Variants in PDIA4 observed in about 807,000 individuals in gnomAD.
PDIA4 encodes the protein protein disulfide isomerase family A member 4.
In PDIA4, 33 loss-of-function variants were observed where a neutral mutation model predicts 62.1. That is an observed-to-expected ratio of 0.53 (90% CI 0.40 to 0.71). The LOEUF (loss-of-function observed/expected upper bound fraction) is 0.71. Ranked by LOEUF, PDIA4 falls within the 30% of genes least tolerant of loss-of-function variation. The pLI is 0.00. For synonymous variants in PDIA4, 341 were observed against 324.1 expected (o/e 1.05, Z -0.56); for missense variants, 804 against 813.6 (o/e 0.99, Z 0.14).
At chr7:149,011,783 C>G in intron 6 of PDIA4, 63 bp downstream of exon 6, 1 of 1,382,654 alleles carries the variant, frequency 7.2e-7, no homozygotes, top group Non-Finnish European at 9.8e-7. Flanking sequence ...TTCTGAAAAA[C>G]CAGGCAACCG....
intron 1 of PDIA4, among the ~76,000 whole-genome samples, chr7:149,022,906 C>T (rs924227185): frequency 7.2e-5 from 11 of 152,240 alleles, no homozygotes; most frequent in East Asian, 1.9e-4. Flanking sequence ...ACTAGTCACC[C>T]GCACTCAGTC....
In PDIA4 at chr7:149,003,721, C is replaced by A; in HGVS notation, c.*73G>T. The A allele has an allele frequency of 8.3e-7, 1 of 1,208,808 alleles. No homozygotes were observed. Among genetic ancestry groups the A allele is most frequent in the Non-Finnish European group, 1.1e-6 (1 of 895,214 alleles). 74.9% of individuals were successfully genotyped at this position (1,208,808 alleles called of 1,614,324 possible). A position where few individuals can be genotyped will look rare whatever the true frequency, so the allele number is the denominator to read the frequency against. ...CGAGATACTGTCGTTTGTTGCCGGC[C>A]TCGGCGTGGACGCCCCGACCATGGG... On this transcript the variant is annotated 3_prime_UTR_variant, in exon 10 of 10. Coordinates refer to ENST00000652332, the MANE Select transcript of PDIA4 (RefSeq NM_004911.5).
chr7:149,005,048 G>T, intron 9 of PDIA4, 93 bp downstream of exon 9: 1 of 936,318 alleles, frequency 1.1e-6, no homozygotes, highest in African/African-American at 1.6e-5. Context: ...TGTCGTGCCC[G>T]TGGCCAGAGC....
rs200271711 is a variant in PDIA4, at chr7:149,019,044, C to G, written c.423G>C (p.Lys141Asn). The G allele has an allele frequency of 6.2e-7, 1 of 1,613,802 alleles. No individual in the cohort carries two copies. Among genetic ancestry groups the G allele is most frequent in the Non-Finnish European group, 8.5e-7 (1 of 1,179,978 alleles). Residue 141 changes from lysine (K) to asparagine (N), a missense_variant, in exon 3 of 10, where the codon AAG (lysine) becomes AAC (asparagine). By Grantham distance (94) the Lys-to-Asn change is moderately conservative. Transcript: ENST00000652332. ...CTACAGCCTGCCCCTTCTTAAGGAT[C>G]TTGATGGTGGGGTAGCCACTCACAT... is the stretch of plus-strand genomic sequence containing the variant. ...RFDVSGYPTI[K>N]ILKKGQAVDY...
chr7:149,008,104 G>A, intron 7 of PDIA4, 55 bp downstream of exon 7: 1 of 1,543,772 alleles, frequency 6.5e-7, no homozygotes, highest in Non-Finnish European at 8.8e-7. Context: ...GCTCAAAGCA[G>A]AGTCCTCATG....
chr7:149,005,108 G>A (rs372582978), intron 9 of PDIA4, 33 bp downstream of exon 9: 10 of 1,536,494 alleles, frequency 6.5e-6, no homozygotes, highest in Non-Finnish European at 9.0e-6. Flanking sequence ...CACAGCAGCT[G>A]ATGGGAGACC....
At chr7:149,026,714 C>T (rs1461840603) in intron 1 of PDIA4, among the ~76,000 whole-genome samples, 2 of 151,422 alleles carry the variant, frequency 1.3e-5, no homozygotes, top group Non-Finnish European at 2.9e-5. Context: ...CAGGAGGATC[C>T]CATGAGCCCA....
intron 1 of PDIA4, among the ~76,000 whole-genome samples, chr7:149,024,814 T>TAAAAAAA (rs539798193): frequency 3.4e-5 from 3 of 89,386 alleles, no homozygotes; most frequent in African/African-American, 1.6e-4. Context: ...GACTGTCATT[T>TAAAAAAA]AAAAAAAAAA....
At position 149,021,164 on chromosome 7, in the gene PDIA4, C is replaced by G. The variant is rs1403304919; in HGVS notation, c.89-17G>C. ...TAGAAGAATCTGAGTGGAAAACACC[C>G]AGACTGGTTACAAAGCTGGTGGTGA... On this transcript the variant is annotated splice_polypyrimidine_tract_variant and intron_variant, in intron 1 of 9. Transcript: ENST00000652332. 4 of 1,560,722 alleles carry G rather than the reference C, an allele frequency of 2.6e-6. No homozygotes were observed. Among genetic ancestry groups the G allele is most frequent in the Non-Finnish European group, 3.5e-6 (4 of 1,153,236 alleles).
At chr7:149,005,014 G>T in intron 9 of PDIA4, 127 bp downstream of exon 9, 1 of 732,974 alleles carries the variant, frequency 1.4e-6, no homozygotes, top group Non-Finnish European at 2.4e-6. Context: ...GGGTGAGAGA[G>T]GACTGCTGGC....
In PDIA4 at chr7:149,024,814, TAA is replaced by T. The variant is rs539798193; in HGVS notation, c.88+3505_88+3506del. 8.0e-3 allele frequency among the ~76,000 whole-genome samples: 711 copies of T among 89,272 alleles called. 9 individuals are homozygous for T. The highest frequency in any genetic ancestry group is 0.035 in the African/African-American group (660 of 18,986). 58.6% of individuals were successfully genotyped at this position (89,272 alleles called of 152,430 possible). A position where few individuals can be genotyped will look rare whatever the true frequency, so the allele number is the denominator to read the frequency against. The stretch of plus-strand genomic sequence containing the variant: ...CTGGCGACCGAGCAAGACTGTCATT[TAA>T]AAAAAAAAAAAAAAAAAAAAAAAAA... On this transcript the variant is annotated intron_variant, in intron 1 of 9. Transcript: ENST00000652332.
Position 149,024,325 on chromosome 7 carries a change from G to C in PDIA4, c.89-3178C>G, listed in dbSNP as rs142240062. The stretch of plus-strand genomic sequence containing the variant: ...CCCTATGTAATTAAGGACTCTCAAG[G>C]CCCCTACCTTTCCATTTCCTCCCCA... On this transcript the variant is annotated intron_variant, in intron 1 of 9. Transcript: ENST00000652332. 9.2e-3 allele frequency among the ~76,000 whole-genome samples: 250 copies of C among 27,198 alleles called. 1 individual carries two copies. The highest frequency in any genetic ancestry group is 0.019 in the African/African-American group (239 of 12,656). The allele number at this position is 27,198 out of a possible 152,430, so 17.8% of individuals were successfully genotyped here. A position where few individuals can be genotyped will look rare whatever the true frequency, so the allele number is the denominator to read the frequency against.
At chr7:149,006,259 G>A in intron 7 of PDIA4, 1 of 516,124 alleles carries the variant, frequency 1.9e-6, no homozygotes, top group Non-Finnish European at 3.3e-6. Flanking sequence ...GTGAACCGTA[G>A]GTGGCTTCTT....
rs775815746 is a variant in PDIA4 at position 149,004,238 on chromosome 7, C to T, written c.1523-29G>A. ...CCAAGGAAAGCAAGGCGGGAGGGGG[C>T]GTCAGTGCTGCAAAGGCCAAAGATT... On this transcript the variant is annotated intron_variant, in intron 9 of 9. Transcript: ENST00000652332. 8.2e-6 allele frequency: 13 copies of T among 1,592,182 alleles called. No homozygotes were observed. The African/African-American group carries it at 9.4e-5, about 11-fold the overall frequency.
chr7:149,003,663 G>C lies in PDIA4; in HGVS notation c.*131C>G, dbSNP rs1823622385. ...TCAGAGCATGAAGTGAAACACCAAAGTATAAAAAATTAAAAAAAAAAAAAA... is the reference window on the plus strand; with the variant it reads ...TCAGAGCATGAAGTGAAACACCAAACTATAAAAAATTAAAAAAAAAAAAAA... On this transcript the variant is annotated 3_prime_UTR_variant, in exon 10 of 10. Transcript: ENST00000652332. 9.9e-6 allele frequency: 6 copies of C among 604,554 alleles called. No individual in the cohort carries two copies. The highest frequency in any genetic ancestry group is 7.4e-5 in the Admixed American group (2 of 26,932). 37.4% of individuals were successfully genotyped at this position (604,554 alleles called of 1,614,324 possible).
chr7:149,017,699 AAAATT>A (rs1337459182), intron 3 of PDIA4, among the ~76,000 whole-genome samples: 2 of 150,232 alleles, frequency 1.3e-5, no homozygotes, highest in Admixed American at 6.6e-5. Flanking sequence ...TTATCAAAAT[AAAATT>A]AAATACATTT....
chr7:149,017,763 T>A (rs1824194567), intron 3 of PDIA4, among the ~76,000 whole-genome samples: 1 of 152,210 alleles, frequency 6.6e-6, no homozygotes, highest in South Asian at 2.1e-4. Flanking sequence ...TGTTCATTCA[T>A]TTAATAAAAT....
At chr7:149,015,691 C>A (rs1050650052) in intron 3 of PDIA4, among the ~76,000 whole-genome samples, 1 of 152,150 alleles carries the variant, frequency 6.6e-6, no homozygotes, top group Admixed American at 6.5e-5. Context: ...CGAGTGGTTG[C>A]AAACTGTCAC....
intron 3 of PDIA4, among the ~76,000 whole-genome samples, chr7:149,018,346 AGAT>A (rs1824216827): frequency 6.6e-6 from 1 of 152,248 alleles, no homozygotes; most frequent in Non-Finnish European, 1.5e-5. Flanking sequence ...CAAGCCCTCC[AGAT>A]GACTGACGCT....
Sources: allele counts gnomAD v4.1 joint callset (sites outside exome capture counted in the v4.1 genomes callset), GRCh38; gene constraint gnomAD v4.1.1; transcripts MANE v1.5; gene names NCBI Gene and HGNC (gene_info 2026-07-23, HGNC 2026-07-21).